Variants in RPL15 observed in about 807,000 individuals in gnomAD.
RPL15 encodes the protein ribosomal protein L15, also known as large ribosomal subunit protein eL15.
For synonymous variants in RPL15, 97 were observed against 95.1 expected, an observed-to-expected ratio of 1.02 and a Z score of -0.12; for missense variants, 161 against 271.8, an observed-to-expected ratio of 0.59 and a Z score of 2.87.
rs752195243 is a variant in RPL15, at chr3:23,918,082, T to G, written c.172+51T>G. The G allele has an allele frequency of 1.9e-6, 3 of 1,573,486 alleles. No homozygotes were observed. The Admixed American group carries it at 5.7e-5, about 30-fold the overall frequency. On this transcript the variant is annotated intron_variant, in intron 2 of 3. Transcript: ENST00000307839. ...TGGATAAAATTATATTCGAGAAAAG[T>G]TGGAAACCAGCTGTTAGGAAGACAC...
At chr3:23,917,533 C>T (rs997322415) in intron 1 of RPL15, 12 of 242,262 alleles carry the variant, frequency 5.0e-5, no homozygotes, top group African/African-American at 2.7e-4. Flanking sequence ...GTGATGTCAG[C>T]GGCATCTCCT....
chr3:23,918,295 G>T, intron 2 of RPL15, 145 bp from the exon 3 acceptor site: 1 of 1,039,942 alleles, frequency 9.6e-7, no homozygotes. Context: ...CATTGAAAAA[G>T]ACTGGGATGT....
chr3:23,919,122 GA>G (rs1704922148), intron 3 of RPL15, 73 bp from the exon 4 acceptor site: 4 of 1,007,444 alleles, frequency 4.0e-6, no homozygotes, highest in Non-Finnish European at 4.6e-6. Flanking sequence ...CTAGAGTTGA[GA>G]ATTAAAATTC....
At chr3:23,918,936 C>T (rs1268421266) in intron 3 of RPL15, 16 of 531,320 alleles carry the variant, frequency 3.0e-5, no homozygotes, top group Non-Finnish European at 5.3e-5. Flanking sequence ...TTTTGTTACC[C>T]AGATATTAAC....
downstream of RPL15, among the ~76,000 whole-genome samples, chr3:23,921,263 T>A (rs182710095): frequency 8.3e-3 from 1,262 of 152,278 alleles, 20 homozygotes; most frequent in African/African-American, 0.029. Flanking sequence ...CACACAGTAG[T>A]CCAAGGGATC....
chr3:23,918,594 G>A lies in RPL15; in HGVS notation c.309+18G>A. 6.2e-7 allele frequency: 1 copy of A among 1,611,762 alleles called. No individual in the cohort carries two copies. The highest frequency in any genetic ancestry group is 8.5e-7 in the Non-Finnish European group (1 of 1,179,242). ...TTGCAGAGGTAAATGGTTTTGAGTAGCAGTTATATTGAATACTGCCTGGGG... is the reference window on the plus strand; with the variant it reads ...TTGCAGAGGTAAATGGTTTTGAGTAACAGTTATATTGAATACTGCCTGGGG... On this transcript the variant is annotated intron_variant, in intron 3 of 3. Transcript: ENST00000307839.
Position 23,920,088 on chromosome 3 carries a change from A to T in RPL15, c.*587A>T, listed in dbSNP as rs1704988865. On this transcript the variant is annotated 3_prime_UTR_variant, in exon 4 of 4. Transcript: ENST00000307839. ...AAACACTGGTGTGTTTTGAAGTTGA[A>T]TGTGCGATAAAATTATTAGCCTTAA... 1 of 985,774 alleles carries T rather than the reference A, an allele frequency of 1.0e-6. No individual in the cohort carries two copies. Among genetic ancestry groups the T allele is most frequent in the Non-Finnish European group, 1.2e-6 (1 of 829,958 alleles). The allele number at this position is 985,774 out of a possible 1,614,324, so 61.1% of individuals were successfully genotyped here. A position where few individuals can be genotyped will look rare whatever the true frequency, so the allele number is the denominator to read the frequency against.
chr3:23,917,988 C>G lies in RPL15; in HGVS notation c.129C>G (p.Thr43=), dbSNP rs752350791. ...LSALHRAPRP[T]RPDKARRLGY... ...CTCTCCACAGGGCTCCCCGCCCCAC[C>G]CGGCCTGATAAAGCGCGCCGACTGG... is the stretch of plus-strand genomic sequence containing the variant. The change falls in exon 2 of 4, where the codon ACC becomes ACG. Residue 43 remains threonine, a synonymous_variant. Transcript: ENST00000307839. 1 of 1,612,208 alleles carries G rather than the reference C, an allele frequency of 6.2e-7. No individual in the cohort carries two copies. The highest frequency in any genetic ancestry group is 8.5e-7 in the Non-Finnish European group (1 of 1,179,426).
rs748897362 is a variant in RPL15, at chr3:23,920,692, CAGTT to C, written c.*1193_*1196del. The stretch of plus-strand genomic sequence containing the variant: ...TCTTCTCTAGGGGTTTCAAAAGACT[CAGTT>C]AATTGATTTCCAGGAAGTACTCATA... On this transcript the variant is annotated 3_prime_UTR_variant, in exon 4 of 4. Coordinates refer to ENST00000307839, the MANE Select transcript of RPL15 (RefSeq NM_002948.5). The C allele has an allele frequency of 1.3e-5, 13 of 984,990 alleles. No individual in the cohort carries two copies. Among genetic ancestry groups the C allele is most frequent in the African/African-American group, 3.5e-5 (2 of 57,210 alleles). 61.0% of individuals were successfully genotyped at this position (984,990 alleles called of 1,614,324 possible). A position where few individuals can be genotyped will look rare whatever the true frequency, so the allele number is the denominator to read the frequency against.
chr3:23,921,571 T>G (rs1307311869), downstream of RPL15: 4 of 129,762 alleles, frequency 3.1e-5, no homozygotes, highest in South Asian at 1.5e-4. Flanking sequence ...GATTATTGAG[T>G]TTTTTTTTTT....
intron 3 of RPL15, 83 bp downstream of exon 3, chr3:23,918,659 C>T: frequency 2.0e-6 from 3 of 1,470,784 alleles, no homozygotes; most frequent in Non-Finnish European, 2.8e-6. Context: ...TCTGATTGTA[C>T]TTAGGTGAGC....
chr3:23,917,718 C>G (rs1041554905), intron 1 of RPL15, 132 bp from the exon 2 acceptor site: 1 of 898,324 alleles, frequency 1.1e-6, no homozygotes, highest in Non-Finnish European at 1.7e-6. Context: ...CTAGCTGTCC[C>G]CGGCAGTTGG....
intron 3 of RPL15, 36 bp downstream of exon 3, chr3:23,918,612 G>T: frequency 6.2e-7 from 1 of 1,600,096 alleles, no homozygotes; most frequent in Non-Finnish European, 8.5e-7. Flanking sequence ...ATTGAATACT[G>T]CCTGGGGATG....
chr3:23,918,368 G>C, intron 2 of RPL15, 72 bp from the exon 3 acceptor site: 1 of 1,520,622 alleles, frequency 6.6e-7, no homozygotes, highest in Non-Finnish European at 8.9e-7. Flanking sequence ...TGGAGTATTA[G>C]TGACAAGCCA....
Position 23,920,425 on chromosome 3 carries a change from G to T in RPL15, c.*924G>T. On this transcript the variant is annotated 3_prime_UTR_variant, in exon 4 of 4. Coordinates refer to ENST00000307839, the MANE Select transcript of RPL15 (RefSeq NM_002948.5). ...TTCTGCAGTTATTTCTCTTGTTCTGGCCAAACAACCCTAAAAATCCTTACC... is the reference window on the plus strand; with the variant it reads ...TTCTGCAGTTATTTCTCTTGTTCTGTCCAAACAACCCTAAAAATCCTTACC... 1.0e-6 allele frequency: 1 copy of T among 985,294 alleles called. No individual in the cohort carries two copies. The highest frequency in any genetic ancestry group is 1.2e-6 in the Non-Finnish European group (1 of 829,918). 61.0% of individuals were successfully genotyped at this position (985,294 alleles called of 1,614,324 possible).
chr3:23,916,927 T>G (rs1474469216), upstream of RPL15: 1 of 152,616 alleles, frequency 6.6e-6, no homozygotes, highest in Admixed American at 6.5e-5. Context: ...CCGCCAACTC[T>G]CTCACCTCTC....
At chr3:23,918,630 A>G in intron 3 of RPL15, 54 bp downstream of exon 3, 1 of 1,576,090 alleles carries the variant, frequency 6.3e-7, no homozygotes, top group Non-Finnish European at 8.6e-7. Context: ...ATGGTGGGAG[A>G]GAGAGATTAA....
rs760039869 is a variant in RPL15, at chr3:23,918,463, G to A, written c.196G>A (p.Val66Ile). The A allele has an allele frequency of 1.9e-5, 31 of 1,612,878 alleles. No individual in the cohort carries two copies. Among genetic ancestry groups the A allele is most frequent in the Admixed American group, 1.0e-4 (6 of 59,978 alleles). Residue 66 changes from valine to isoleucine, a missense_variant, in exon 3 of 4, where the codon GTT becomes ATT. Transcript: ENST00000307839. The part of the protein sequence containing the change: ...KQGYVIYRIR[V>I]RRGGRKRPVP... ...AGGTTACGTTATATATAGGATTCGT[G>A]TTCGCCGTGGTGGCCGAAAACGCCC...
In RPL15 at chr3:23,918,426, G is replaced by A. The variant is rs748391135; in HGVS notation, c.173-14G>A. 1.9e-6 allele frequency: 3 copies of A among 1,610,680 alleles called. No homozygotes were observed. The East Asian group carries it at 6.7e-5, about 36-fold the overall frequency. ...TCCTATAAAATCACTAATTTCGTGT[G>A]TGTTTGTGTGTAGGTTACGTTATAT... On this transcript the variant is annotated splice_polypyrimidine_tract_variant and intron_variant, in intron 2 of 3. Transcript: ENST00000307839.
Sources: allele counts gnomAD v4.1 joint callset (sites outside exome capture counted in the v4.1 genomes callset), GRCh38; gene constraint gnomAD v4.1.1; transcripts MANE v1.5; gene names NCBI Gene and HGNC (gene_info 2026-07-23, HGNC 2026-07-21).